EZH1: variants seen among roughly 807,000 people sequenced by gnomAD.
EZH1 encodes enhancer of zeste 1 polycomb repressive complex 2 subunit.
Under a neutral mutation model 100.5 loss-of-function variants are expected in EZH1, and 33 were observed. The observed-to-expected ratio is 0.33, with a 90% CI of 0.25 to 0.44. The LOEUF (loss-of-function observed/expected upper bound fraction) is 0.44, where lower values mean the gene tolerates loss of function less well. EZH1 is among the 20% of genes least tolerant of loss of function. The pLI is 1.00. For missense variants in EZH1, 475 were observed against 928.4 expected (o/e 0.51, Z 6.35); for synonymous variants, 272 against 313.8 (o/e 0.87, Z 1.41).
At chr17:42,717,806 C>T (rs148936024) in intron 10 of EZH1, among the ~76,000 whole-genome samples, 170 bp downstream of exon 10, 57 of 152,278 alleles carry the variant, frequency 3.7e-4, no homozygotes, top group African/African-American at 1.3e-3. Flanking sequence ...TATAGTGCTA[C>T]CATGTCTGGG....
chr17:42,713,037 C>CAAAAAAAAAAAAAAA (rs10664421), intron 11 of EZH1, among the ~76,000 whole-genome samples, 172 bp downstream of exon 11: 1 of 83,994 alleles, frequency 1.2e-5, no homozygotes, highest in African/African-American at 4.9e-5. Context: ...GAGACTGTTT[C>CAAAAAAAAAAAAAAA]AAAAAAAAAA....
chr17:42,737,691 A>T (rs2054093132), intron 1 of EZH1, among the ~76,000 whole-genome samples: 1 of 152,228 alleles, frequency 6.6e-6, no homozygotes, highest in African/African-American at 2.4e-5. Context: ...TTTATTTTTT[A>T]AAAAGATTAA....
At chr17:42,705,287 A>G in intron 16 of EZH1, 104 bp from the exon 17 acceptor site, 1 of 647,726 alleles carries the variant, frequency 1.5e-6, no homozygotes, top group Non-Finnish European at 2.8e-6. Context: ...AAGAACCAGC[A>G]ACTGTTAAGA....
chr17:42,739,000 C>T (rs2054124588), intron 1 of EZH1, among the ~76,000 whole-genome samples: 1 of 151,976 alleles, frequency 6.6e-6, no homozygotes, highest in Admixed American at 6.6e-5. Context: ...TCGTGATCCA[C>T]CTGCCTCGGC....
chr17:42,713,152 G>T, intron 11 of EZH1, 57 bp downstream of exon 11: 2 of 1,549,864 alleles, frequency 1.3e-6, no homozygotes, highest in South Asian at 1.2e-5. Flanking sequence ...CAGTGATCCT[G>T]GGTTTACCAG....
chr17:42,735,615 T>C (rs1369969522), intron 1 of EZH1, among the ~76,000 whole-genome samples: 1 of 152,186 alleles, frequency 6.6e-6, no homozygotes, highest in African/African-American at 2.4e-5. Context: ...CCAAAACATA[T>C]GCTGTTTTGA....
chr17:42,741,757 C>T (rs550454712), intron 1 of EZH1, among the ~76,000 whole-genome samples: 17 of 151,968 alleles, frequency 1.1e-4, no homozygotes, highest in African/African-American at 4.1e-4. Flanking sequence ...GGCTTGATCT[C>T]GGCTCACTGC....
intron 5 of EZH1, among the ~76,000 whole-genome samples, chr17:42,724,074 A>C (rs1255861103): frequency 6.6e-6 from 1 of 152,216 alleles, no homozygotes; most frequent in Non-Finnish European, 1.5e-5. Context: ...TATTCATTTA[A>C]AAAAGAACCA....
At chr17:42,740,243 CTTT>C (rs146009996) in intron 1 of EZH1, among the ~76,000 whole-genome samples, 2 of 138,610 alleles carry the variant, frequency 1.4e-5, no homozygotes, top group South Asian at 2.3e-4. Flanking sequence ...GAGACAAGAT[CTTT>C]TTTTTTTTTT....
chr17:42,710,986 G>A (rs1387861412), intron 12 of EZH1, among the ~76,000 whole-genome samples: 1 of 152,068 alleles, frequency 6.6e-6, no homozygotes, highest in Non-Finnish European at 1.5e-5. Flanking sequence ...GTCTCCTCCA[G>A]AAGGTAGGAA....
chr17:42,718,187 G>C lies in EZH1; in HGVS notation c.932-120C>G. ...AATTCGATATAAACGGCTACCATCA[G>C]GGTGCACAAAATTCAGTCATTTCTG... On this transcript the variant is annotated intron_variant, in intron 9 of 20. Coordinates refer to ENST00000428826, the MANE Select transcript of EZH1 (RefSeq NM_001991.5). This position sits in a 1 kb window ranked among gnomAD's most constrained non-coding sequence, Gnocchi z 4.2. 1 of 955,290 alleles carries C rather than the reference G, an allele frequency of 1.0e-6. No individual in the cohort carries two copies. Among genetic ancestry groups the C allele is most frequent in the Non-Finnish European group, 1.6e-6 (1 of 632,368 alleles). The allele number at this position is 955,290 out of a possible 1,614,324, so 59.2% of individuals were successfully genotyped here.
chr17:42,719,931 A>C (rs757113941), intron 7 of EZH1, among the ~76,000 whole-genome samples: 1 of 152,184 alleles, frequency 6.6e-6, no homozygotes, highest in Non-Finnish European at 1.5e-5. Context: ...TAAACTATTA[A>C]ATTTTAAATT....
At chr17:42,736,988 ATT>A (rs1178668278) in intron 1 of EZH1, among the ~76,000 whole-genome samples, 6 of 144,078 alleles carry the variant, frequency 4.2e-5, no homozygotes, top group African/African-American at 5.1e-5. Flanking sequence ...TAGCTTTACA[ATT>A]TTTTTTTTTT....
At chr17:42,712,167 G>A in intron 12 of EZH1, 122 bp downstream of exon 12, 1 of 1,033,936 alleles carries the variant, frequency 9.7e-7, no homozygotes, top group Non-Finnish European at 1.4e-6. Context: ...GGCTCATCAG[G>A]GACTGAACTT....
In EZH1 at chr17:42,724,420, G is replaced by A; in HGVS notation, c.251C>T (p.Thr84Ile). ...AAATCCCGGGAAAATGCTCTCTATGGTACACTGAAATATAAGCAATGACAT... is the reference window on the plus strand; with the variant it reads ...AAATCCCGGGAAAATGCTCTCTATGATACACTGAAATATAAGCAATGACAT... ...VSGHPFLKKC[T>I]IESIFPGFAS... Residue 84 changes from threonine to isoleucine, a missense_variant, in exon 5 of 21, where the codon ACC (threonine) becomes ATC (isoleucine). Thr to Ile is a moderately conservative substitution (Grantham distance 89). Around this residue, in one of 8 missense-constraint regions of EZH1, gnomAD observed 105 missense variants for 129.8 expected, o/e 0.81. Transcript: ENST00000428826. The A allele has an allele frequency of 6.2e-7, 1 of 1,613,692 alleles. No homozygotes were observed. The highest frequency in any genetic ancestry group is 8.5e-7 in the Non-Finnish European group (1 of 1,179,738).
intron 13 of EZH1, chr17:42,709,577 C>T (rs2053433502): frequency 5.7e-6 from 2 of 352,302 alleles, no homozygotes; most frequent in Non-Finnish European, 1.0e-5. Flanking sequence ...AGCCATGAGG[C>T]CAGCTCATGT....
In EZH1 at chr17:42,703,927, T is replaced by C. The variant is rs762778637; in HGVS notation, c.2018-107A>G. 1.2e-5 allele frequency: 10 copies of C among 831,230 alleles called. No homozygotes were observed. The Admixed American group carries it at 1.8e-4, about 15-fold the overall frequency. 51.5% of individuals were successfully genotyped at this position (831,230 alleles called of 1,614,324 possible). ...TGGTAACAGAAACACTTTAGTCTGA[T>C]GGGAATGTTGAAGCCCAGTGTGCTA... On this transcript the variant is annotated intron_variant, in intron 18 of 20. Transcript: ENST00000428826.
At chr17:42,713,184 A>G (rs1176123176) in intron 11 of EZH1, 25 bp downstream of exon 11, 1 of 1,608,266 alleles carries the variant, frequency 6.2e-7, no homozygotes, top group Non-Finnish European at 8.5e-7. Flanking sequence ...GGAAAGAAAA[A>G]GTCTTCATTT....
chr17:42,722,722 G>A, intron 6 of EZH1, 73 bp downstream of exon 6: 1 of 1,491,720 alleles, frequency 6.7e-7, no homozygotes, highest in Non-Finnish European at 9.1e-7. Flanking sequence ...AAAGCAAGAT[G>A]GCAAGATGAT....
Sources: gnomAD v4.1 joint callset for allele counts (sites outside exome capture counted in the v4.1 genomes callset) on GRCh38, gnomAD v4.1.1 for gene constraint, gnomAD v4.1.1 regional missense constraint, Gnocchi (gnomAD v3.1) non-coding constraint, MANE v1.5 for transcripts, NCBI Gene and HGNC (gene_info 2026-07-23, HGNC 2026-07-21) for gene names.